Variants in RB1 observed in about 807,000 individuals in gnomAD.
RB1 encodes the protein RB transcriptional corepressor 1.
Under a neutral mutation model 135.4 loss-of-function variants are expected in RB1, and 18 were observed. The ratio of observed to expected loss-of-function variants is 0.13; its 90% confidence interval spans 0.09 to 0.20. The LOEUF (loss-of-function observed/expected upper bound fraction) is 0.20. Ranked by LOEUF, RB1 falls within the 10% of genes least tolerant of loss-of-function variation. The probability of loss-of-function intolerance (pLI) is 1.00; values close to 1 mark genes in which losing one functional copy is unlikely to be tolerated. For synonymous variants in RB1, 365 were observed against 373.2 expected, an observed-to-expected ratio of 0.98 and a Z score of 0.25; for missense variants, 868 against 1,110.0, an observed-to-expected ratio of 0.78 and a Z score of 3.10.
chr13:48,318,340 C>T, intron 2 of RB1: 1 of 1,396,416 alleles, frequency 7.2e-7, no homozygotes, highest in Non-Finnish European at 9.6e-7. Context: ...TTCCTGCACG[C>T]AGCCCTGGGT....
chr13:48,358,170 A>C (rs1952609500), intron 6 of RB1, among the ~76,000 whole-genome samples: 1 of 152,138 alleles, frequency 6.6e-6, no homozygotes, highest in African/African-American at 2.4e-5. Flanking sequence ...TTAAGTTCTT[A>C]GTGCAAGCAC....
chr13:48,337,433 A>G (rs1952395488), intron 2 of RB1, among the ~76,000 whole-genome samples: 1 of 152,194 alleles, frequency 6.6e-6, no homozygotes, highest in Non-Finnish European at 1.5e-5. Context: ...CCATTATGTA[A>G]TGGCCTTCTT....
At chr13:48,476,090 G>T (rs531325668) in intron 24 of RB1, among the ~76,000 whole-genome samples, 1 of 152,118 alleles carries the variant, frequency 6.6e-6, no homozygotes, top group East Asian at 1.9e-4. Context: ...AACCTGTTTT[G>T]AATTTAATAT....
chr13:48,379,960 A>G, intron 14 of RB1, 93 bp from the exon 15 acceptor site: 1 of 519,778 alleles, frequency 1.9e-6, no homozygotes, highest in East Asian at 8.4e-5. Context: ...CACCATCTAA[A>G]AAAAAAAAAA....
At chr13:48,341,133 A>T (rs1952439179) in intron 2 of RB1, 1 of 152,060 alleles carries the variant, frequency 6.6e-6, no homozygotes, top group South Asian at 2.1e-4. Flanking sequence ...TTGACTTTAA[A>T]GATTGGTTTT....
chr13:48,393,979 C>T (rs930594021), intron 17 of RB1, among the ~76,000 whole-genome samples: 10 of 152,122 alleles, frequency 6.6e-5, no homozygotes, highest in African/African-American at 2.4e-4. Context: ...CAAATAGGAA[C>T]AGCTCTGGTC....
At chr13:48,360,781 T>C (rs1238918077) in intron 7 of RB1, 1 of 152,106 alleles carries the variant, frequency 6.6e-6, no homozygotes, top group Non-Finnish European at 1.5e-5. Flanking sequence ...TTTCATGGCT[T>C]CAAGAGTAGG....
chr13:48,367,316 T>G (rs977828227), intron 9 of RB1, among the ~76,000 whole-genome samples, 178 bp from the exon 10 acceptor site: 2 of 152,188 alleles, frequency 1.3e-5, no homozygotes, highest in Non-Finnish European at 2.9e-5. Context: ...GAACAAATGT[T>G]GCAATTTTCT....
intron 8 of RB1, 152 bp downstream of exon 8, chr13:48,363,109 T>C (rs1952658434): frequency 1.0e-6 from 1 of 965,448 alleles, no homozygotes; most frequent in African/African-American, 1.6e-5. Context: ...AAAAATTAAT[T>C]CGTTATATTT....
chr13:48,344,460 C>G (rs1035347888), intron 3 of RB1, among the ~76,000 whole-genome samples: 4 of 151,888 alleles, frequency 2.6e-5, no homozygotes, highest in African/African-American at 9.7e-5. Context: ...GTGCAGGCAG[C>G]CGGTGCACAA....
At position 48,347,880 on chromosome 13, in the gene RB1, A is replaced by G. The variant is rs1276762398; in HGVS notation, c.539+17A>G. 6.4e-7 allele frequency: 1 copy of G among 1,564,740 alleles called. No homozygotes were observed. The highest frequency in any genetic ancestry group is 1.7e-5 in the Admixed American group (1 of 59,538). ...CAGCAGTTCGTAAGTAGTTCACAGA[A>G]TGTTATTTTTCACTTAAAAAAAAAG... On this transcript the variant is annotated intron_variant, in intron 5 of 26. Transcript: ENST00000267163.
At chr13:48,379,022 G>A (rs747908724) in intron 13 of RB1, among the ~76,000 whole-genome samples, 5 of 152,120 alleles carry the variant, frequency 3.3e-5, no homozygotes, top group African/African-American at 4.8e-5. Flanking sequence ...TGCTCATAAG[G>A]TCAGTTTGAT....
chr13:48,412,604 G>C (rs1445493802), intron 17 of RB1: 2 of 624,000 alleles, frequency 3.2e-6, no homozygotes, highest in East Asian at 5.5e-5. Flanking sequence ...ATTTGTTGCT[G>C]TAAAATTTCC....
intron 19 of RB1, 135 bp downstream of exon 19, chr13:48,456,484 T>G (rs1002063525): frequency 3.0e-6 from 4 of 1,314,832 alleles, no homozygotes; most frequent in African/African-American, 1.5e-5. Context: ...TCCTCATCTA[T>G]AAAATGGAAA....
intron 2 of RB1, among the ~76,000 whole-genome samples, chr13:48,314,792 A>T (rs948018778): frequency 4.0e-5 from 6 of 149,074 alleles, no homozygotes; most frequent in Non-Finnish European, 9.0e-5. Flanking sequence ...AAAAAAAAAG[A>T]AAAAGCAGCT....
intron 2 of RB1, among the ~76,000 whole-genome samples, chr13:48,335,746 CT>C: frequency 6.6e-6 from 1 of 151,966 alleles, no homozygotes; most frequent in South Asian, 2.1e-4. Context: ...ATCCTGAGTC[CT>C]TTTCATAATT....
intron 17 of RB1, among the ~76,000 whole-genome samples, chr13:48,435,528 A>G (rs180737244): frequency 6.6e-6 from 1 of 152,146 alleles, no homozygotes; most frequent in Non-Finnish European, 1.5e-5. Context: ...TTCTTTCTTC[A>G]TCTTCTTCAC....
intron 2 of RB1, among the ~76,000 whole-genome samples, chr13:48,308,519 A>G (rs1194381333): frequency 6.6e-6 from 1 of 151,756 alleles, no homozygotes; most frequent in East Asian, 1.9e-4. Flanking sequence ...CAGGCATGGT[A>G]GCAGATGCCT....
At chr13:48,451,829 A>G (rs1379317677) in intron 17 of RB1, among the ~76,000 whole-genome samples, 1 of 149,146 alleles carries the variant, frequency 6.7e-6, no homozygotes, top group Non-Finnish European at 1.5e-5. Flanking sequence ...ATTTCTTCCT[A>G]GTTCAGTCTT....
Sources: gnomAD v4.1 joint callset for allele counts (sites outside exome capture counted in the v4.1 genomes callset) on GRCh38, gnomAD v4.1.1 for gene constraint, MANE v1.5 for transcripts, NCBI Gene and HGNC (gene_info 2026-07-23, HGNC 2026-07-21) for gene names.